The following RREB1 variants were observed in gnomAD, a reference collection of about 807,000 sequenced individuals.
RREB1 encodes ras responsive element binding protein 1.
Under a neutral mutation model 117.8 loss-of-function variants are expected in RREB1, and 27 were observed. That is an observed-to-expected ratio of 0.23 (90% CI 0.17 to 0.32). RREB1 has a LOEUF of 0.32. Among genes scored for constraint, RREB1 ranks in the 10% least tolerant of loss-of-function variants. The pLI is 1.00. For missense variants in RREB1, 2,577 were observed against 2,378.2 expected, an observed-to-expected ratio of 1.08 and a Z score of -1.74; for synonymous variants, 1,298 against 1,026.7, an observed-to-expected ratio of 1.26 and a Z score of -5.05.
At chr6:7,235,278 C>T (rs1768247936) in intron 10 of RREB1, among the ~76,000 whole-genome samples, 1 of 152,102 alleles carries the variant, frequency 6.6e-6, no homozygotes, top group Non-Finnish European at 1.5e-5. Flanking sequence ...ACCTGATGGC[C>T]CCTCAGCCCA....
At chr6:7,171,155 T>G (rs1764187213) in intron 1 of RREB1, among the ~76,000 whole-genome samples, 1 of 152,170 alleles carries the variant, frequency 6.6e-6, no homozygotes, top group Admixed American at 6.5e-5. Flanking sequence ...CTTGGCTGCT[T>G]CTAGAACACA....
intron 3 of RREB1, chr6:7,181,610 AC>A (rs1764797259): frequency 1.7e-6 from 1 of 575,860 alleles, no homozygotes; most frequent in African/African-American, 1.9e-5. Flanking sequence ...AGGTAGAGAA[AC>A]CTGCCTCTCA....
chr6:7,230,481 G>T lies in RREB1; in HGVS notation c.2382G>T (p.Glu794Asp). 3 of 1,594,814 alleles carry T rather than the reference G, an allele frequency of 1.9e-6. No individual in the cohort carries two copies. The highest frequency in any genetic ancestry group is 2.5e-6 in the Non-Finnish European group (3 of 1,177,620). The change falls in exon 10 of 13, where the codon GAG becomes GAT. Residue 794 changes from glutamate to aspartate, a missense_variant. By Grantham distance (45) the Glu-to-Asp change is conservative (BLOSUM62 2). Transcript: ENST00000379938. The stretch of plus-strand genomic sequence containing the variant: ...GCCGCAAGCCCTTCGAGTGCAAGGA[G>T]TGCAGCGCCGCGTTCGCGGCCAAGC... ...HKGRKPFECK[E>D]CSAAFAAKRN...
chr6:7,231,040 G>C lies in RREB1; in HGVS notation c.2941G>C (p.Val981Leu). The C allele has an allele frequency of 6.2e-7, 1 of 1,613,942 alleles. No homozygotes were observed. Among genetic ancestry groups the C allele is most frequent in the Non-Finnish European group, 8.5e-7 (1 of 1,180,024 alleles). The stretch of plus-strand genomic sequence containing the variant: ...CCCAGCACCCGGCCCTTCTCTTCCT[G>C]TAACTTTGGGGCCCAGCGGAATCCT... The part of the protein sequence containing the change: ...PCPAPGPSLP[V>L]TLGPSGILES... Residue 981 changes from valine to leucine, a missense_variant, in exon 10 of 13, where the codon GTA becomes CTA. By Grantham distance (32) the Val-to-Leu change is conservative. Coordinates refer to ENST00000379938, the MANE Select transcript of RREB1 (RefSeq NM_001003699.4).
chr6:7,216,882 A>G (rs1766931103), intron 8 of RREB1: 1 of 152,136 alleles, frequency 6.6e-6, no homozygotes. Flanking sequence ...CCTGTCCCCC[A>G]CCCAAGGCCC....
rs1440514091 is a variant in RREB1, at chr6:7,229,793, C to G, written c.1694C>G (p.Ser565Cys). The G allele has an allele frequency of 4.3e-6, 7 of 1,609,738 alleles. No homozygotes were observed. Among genetic ancestry groups the G allele is most frequent in the Non-Finnish European group, 5.9e-6 (7 of 1,177,816 alleles). Residue 565 changes from serine to cysteine, a missense_variant, in exon 10 of 13, where the codon TCC becomes TGC. Coordinates refer to ENST00000379938, the MANE Select transcript of RREB1 (RefSeq NM_001003699.4). This position sits in a 1 kb window ranked among gnomAD's most constrained non-coding sequence, Gnocchi z 4.5. ...GCCTCCAACGCCCACCTGCTGCAGTCCAAGTCCGGGACCCAGCCCCACGCG... is the reference window on the plus strand; with the variant it reads ...GCCTCCAACGCCCACCTGCTGCAGTGCAAGTCCGGGACCCAGCCCCACGCG... ...EAASNAHLLQ[S>C]KSGTQPHAAT...
At chr6:7,151,895 G>A (rs1763141064) in intron 1 of RREB1, among the ~76,000 whole-genome samples, 1 of 152,220 alleles carries the variant, frequency 6.6e-6, no homozygotes, top group Admixed American at 6.5e-5. Flanking sequence ...TAGTTTGAGT[G>A]TCTCTTGTGA....
At chr6:7,154,145 C>G (rs548652539) in intron 1 of RREB1, among the ~76,000 whole-genome samples, 2 of 152,362 alleles carry the variant, frequency 1.3e-5, no homozygotes, top group Admixed American at 1.3e-4. Context: ...CATTTCATCT[C>G]CATAAGGTTC....
chr6:7,143,940 A>G (rs1581444507), intron 1 of RREB1, among the ~76,000 whole-genome samples: 2 of 138,952 alleles, frequency 1.4e-5, no homozygotes, highest in South Asian at 2.2e-4. Flanking sequence ...CCCAACTTAC[A>G]TTTTTTCAAA....
intron 1 of RREB1, among the ~76,000 whole-genome samples, chr6:7,129,731 C>T (rs1446153183): frequency 2.0e-5 from 3 of 152,226 alleles, no homozygotes; most frequent in Non-Finnish European, 4.4e-5. Context: ...AGAGGGGTAA[C>T]ATCCTGTTGT....
intron 10 of RREB1, among the ~76,000 whole-genome samples, chr6:7,235,154 G>A (rs1214518041): frequency 6.6e-6 from 1 of 152,230 alleles, no homozygotes; most frequent in East Asian, 1.9e-4. Context: ...TTCCAGGGAT[G>A]TTCAGCATCA....
At chr6:7,139,733 T>G (rs745552105) in intron 1 of RREB1, among the ~76,000 whole-genome samples, 14 of 152,206 alleles carry the variant, frequency 9.2e-5, no homozygotes, top group Admixed American at 2.0e-4. Context: ...TTCAAAATTT[T>G]CCAAAAAGAT....
chr6:7,218,633 C>T (rs190046559), intron 8 of RREB1: 1 of 152,132 alleles, frequency 6.6e-6, no homozygotes, highest in East Asian at 1.9e-4. Flanking sequence ...CTTTTCAGGG[C>T]TGATGCTTTT....
intron 1 of RREB1, among the ~76,000 whole-genome samples, chr6:7,154,401 A>G (rs1283070013): frequency 6.6e-6 from 1 of 152,196 alleles, no homozygotes; most frequent in Non-Finnish European, 1.5e-5. Flanking sequence ...GTGGGAGTAC[A>G]ATGTTTGTAG....
At chr6:7,219,816 G>A (rs987007347) in intron 8 of RREB1, among the ~76,000 whole-genome samples, 4 of 152,154 alleles carry the variant, frequency 2.6e-5, no homozygotes, top group African/African-American at 9.7e-5. Context: ...CATACCAGGG[G>A]CCATGTAGAA....
chr6:7,195,009 A>C (rs568546918), intron 6 of RREB1, among the ~76,000 whole-genome samples: 2 of 152,324 alleles, frequency 1.3e-5, no homozygotes, highest in Admixed American at 1.3e-4. Context: ...CATGCAAAGC[A>C]CTTGGGGTAG....
intron 1 of RREB1, among the ~76,000 whole-genome samples, chr6:7,175,556 G>A (rs1432819375): frequency 6.6e-6 from 1 of 152,192 alleles, no homozygotes; most frequent in African/African-American, 2.4e-5. Flanking sequence ...TTTCTCGCCC[G>A]GTGTTGTCCG....
chr6:7,229,821 C>A lies in RREB1; in HGVS notation c.1722C>A (p.Ala574=). The change falls in exon 10 of 13, where the codon GCC becomes GCA. Residue 574 remains alanine, a synonymous_variant. Transcript: ENST00000379938. This position sits in a 1 kb window ranked among gnomAD's most constrained non-coding sequence, Gnocchi z 4.5. ...QSKSGTQPHA[A]TRLSLQQPRA... The stretch of plus-strand genomic sequence containing the variant: ...AGTCCGGGACCCAGCCCCACGCGGC[C>A]ACGCGGCTCTCCCTGCAGCAGCCGC... 6.2e-7 allele frequency: 1 copy of A among 1,610,488 alleles called. No homozygotes were observed. Among genetic ancestry groups the A allele is most frequent in the Non-Finnish European group, 8.5e-7 (1 of 1,178,572 alleles).
intron 1 of RREB1, among the ~76,000 whole-genome samples, chr6:7,146,186 A>C (rs1030350832): frequency 6.6e-6 from 1 of 152,264 alleles, no homozygotes; most frequent in South Asian, 2.1e-4. Context: ...CACTTTGTGG[A>C]GCCTGTTGTG....
Sources: gnomAD v4.1 joint callset for allele counts (sites outside exome capture counted in the v4.1 genomes callset) on GRCh38, gnomAD v4.1.1 for gene constraint, Gnocchi (gnomAD v3.1) non-coding constraint, MANE v1.5 for transcripts, NCBI Gene and HGNC (gene_info 2026-07-23, HGNC 2026-07-21) for gene names.